CASR: variants seen among roughly 807,000 people sequenced by gnomAD.
CASR encodes the protein calcium sensing receptor, also known as extracellular calcium-sensing receptor.
In CASR, 23 loss-of-function variants were observed where a neutral mutation model predicts 69.1. The ratio of observed to expected loss-of-function variants is 0.33; its 90% CI spans 0.24 to 0.47. CASR has a LOEUF of 0.47. Ranked by LOEUF, CASR falls within the 20% of genes least tolerant of loss-of-function variation. The probability of loss-of-function intolerance (pLI) is 1.00; values close to 1 mark genes in which losing one functional copy is unlikely to be tolerated. For synonymous variants in CASR, 541 were observed against 544.7 expected, an observed-to-expected ratio of 0.99 and a Z score of 0.10; for missense variants, 924 against 1,356.1, an observed-to-expected ratio of 0.68 and a Z score of 5.00.
At chr3:122,230,008 C>T (rs181144991) in intron 1 of CASR, among the ~76,000 whole-genome samples, 7 of 152,358 alleles carry the variant, frequency 4.6e-5, no homozygotes, top group African/African-American at 1.4e-4. Context: ...TTCTGAGCCA[C>T]AGTTTACCTA....
chr3:122,261,072 G>T (rs980408875), intron 3 of CASR, among the ~76,000 whole-genome samples: 5 of 152,200 alleles, frequency 3.3e-5, no homozygotes, highest in African/African-American at 9.7e-5. Flanking sequence ...AGTGTTTATT[G>T]CAGTAAAGGG....
intron 1 of CASR, among the ~76,000 whole-genome samples, chr3:122,225,074 G>A (rs181962366): frequency 9.4e-4 from 143 of 152,216 alleles, no homozygotes; most frequent in African/African-American, 3.3e-3. Context: ...TCTCAAGTTG[G>A]ATTAAAGACT....
At chr3:122,259,256 T>C (rs1559957623) in intron 3 of CASR, among the ~76,000 whole-genome samples, 1 of 152,174 alleles carries the variant, frequency 6.6e-6, no homozygotes, top group Non-Finnish European at 1.5e-5. Context: ...CCTTTTGACC[T>C]ATTTTTGAAA....
intron 1 of CASR, among the ~76,000 whole-genome samples, chr3:122,191,266 A>G (rs1245012138): frequency 6.6e-6 from 1 of 152,144 alleles, no homozygotes; most frequent in Non-Finnish European, 1.5e-5. Flanking sequence ...ATATTGATAG[A>G]TTTCATTACA....
intron 1 of CASR, among the ~76,000 whole-genome samples, chr3:122,232,576 G>A (rs558683132): frequency 6.6e-6 from 1 of 152,330 alleles, no homozygotes; most frequent in South Asian, 2.1e-4. Flanking sequence ...GAGAGGGAGA[G>A]TGGTGTGGGA....
chr3:122,193,177 C>T (rs1559933059), intron 1 of CASR, among the ~76,000 whole-genome samples: 1 of 142,624 alleles, frequency 7.0e-6, no homozygotes. Flanking sequence ...TTCTCCTATT[C>T]TTTCATTTCT....
intron 1 of CASR, among the ~76,000 whole-genome samples, chr3:122,197,349 A>G (rs1270112466): frequency 6.6e-6 from 1 of 152,078 alleles, no homozygotes; most frequent in Non-Finnish European, 1.5e-5. Context: ...TCCCTCTACT[A>G]GTTTTGTGAA....
intron 5 of CASR, among the ~76,000 whole-genome samples, chr3:122,280,879 C>G (rs1351671541): frequency 6.6e-6 from 1 of 152,114 alleles, no homozygotes; most frequent in Non-Finnish European, 1.5e-5. Flanking sequence ...GGCTTTGTAC[C>G]TGGGGTTACA....
At chr3:122,227,451 G>A (rs1012395660) in intron 1 of CASR, among the ~76,000 whole-genome samples, 13 of 152,166 alleles carry the variant, frequency 8.5e-5, no homozygotes, top group Admixed American at 7.9e-4. Flanking sequence ...CGGGGCTTGC[G>A]GGCCAGCCAG....
intron 1 of CASR, among the ~76,000 whole-genome samples, chr3:122,210,119 A>G (rs1264550488): frequency 6.6e-6 from 1 of 152,204 alleles, no homozygotes; most frequent in Non-Finnish European, 1.5e-5. Flanking sequence ...TGGCAAACCC[A>G]CAGCCAATAT....
chr3:122,265,331 A>G (rs1303073790), intron 4 of CASR, among the ~76,000 whole-genome samples: 1 of 152,124 alleles, frequency 6.6e-6, no homozygotes, highest in Admixed American at 6.5e-5. Context: ...GTCAACTCAT[A>G]TGCCTCAAAA....
chr3:122,271,413 C>G (rs1174739223), intron 4 of CASR, among the ~76,000 whole-genome samples: 1 of 152,204 alleles, frequency 6.6e-6, no homozygotes, highest in Non-Finnish European at 1.5e-5. Context: ...CTCCTGCCTA[C>G]TCTTTATCTC....
At chr3:122,268,202 G>A (rs948305026) in intron 4 of CASR, among the ~76,000 whole-genome samples, 3 of 152,192 alleles carry the variant, frequency 2.0e-5, no homozygotes, top group Non-Finnish European at 4.4e-5. Flanking sequence ...TTTATTATGA[G>A]GATACCATTA....
chr3:122,208,208 C>A (rs558549234), intron 1 of CASR, among the ~76,000 whole-genome samples: 2 of 151,996 alleles, frequency 1.3e-5, no homozygotes, highest in Admixed American at 6.6e-5. Flanking sequence ...TTATATCAAG[C>A]AACTTTGCTA....
intron 5 of CASR, among the ~76,000 whole-genome samples, chr3:122,278,893 A>G (rs570439466): frequency 1.3e-5 from 2 of 152,304 alleles, no homozygotes; most frequent in South Asian, 2.1e-4. Flanking sequence ...CTCGTTATTT[A>G]TACTCCTCTT....
At chr3:122,206,513 C>G (rs2107591932) in intron 1 of CASR, among the ~76,000 whole-genome samples, 1 of 152,024 alleles carries the variant, frequency 6.6e-6, no homozygotes, top group African/African-American at 2.4e-5. Context: ...CTATGTCTAT[C>G]AGGAATAGTG....
intron 1 of CASR, among the ~76,000 whole-genome samples, chr3:122,189,757 G>A (rs1316840105): frequency 6.6e-6 from 1 of 152,128 alleles, no homozygotes; most frequent in African/African-American, 2.4e-5. Flanking sequence ...TGTTTTTCAT[G>A]TAGGTAGAAA....
At position 122,197,223 on chromosome 3, in the gene CASR, A is replaced by G. The variant is rs568745264; in HGVS notation, c.-243+13411A>G. Among the ~76,000 whole-genome samples, 10 of 152,200 alleles carry G rather than the reference A, an allele frequency of 6.6e-5. No homozygotes were observed. The South Asian group carries it at 2.1e-3, about 32-fold the overall frequency. ...TTGGGAGCTAATCATTTGGCCTGGAAATATTGGCACAAAACTGAACTTTTG... is the reference window on the plus strand; with the variant it reads ...TTGGGAGCTAATCATTTGGCCTGGAGATATTGGCACAAAACTGAACTTTTG... On this transcript the variant is annotated intron_variant, in intron 1 of 6. Transcript: ENST00000639785.
Position 122,273,921 on chromosome 3 carries a change from G to A in CASR, c.1378-1891G>A, listed in dbSNP as rs909340030. Among the ~76,000 whole-genome samples, 5 of 152,164 alleles carry A rather than the reference G, an allele frequency of 3.3e-5. No individual in the cohort carries two copies. The South Asian group carries it at 6.2e-4, about 19-fold the overall frequency. Reference sequence around the variant, plus strand: ...GAGGAAGTCAGGTCACCCCAACAGCGAGGAGGGATAGGAAGCGGAGGTGGA... The same window carrying A: ...GAGGAAGTCAGGTCACCCCAACAGCAAGGAGGGATAGGAAGCGGAGGTGGA... On this transcript the variant is annotated intron_variant, in intron 4 of 6. Transcript: ENST00000639785.
Sources: gnomAD v4.1 joint callset for allele counts (sites outside exome capture counted in the v4.1 genomes callset) on GRCh38, gnomAD v4.1.1 for gene constraint, MANE v1.5 for transcripts, NCBI Gene and HGNC (gene_info 2026-07-23, HGNC 2026-07-21) for gene names.